Variants in TMTC2 observed in about 807,000 individuals in gnomAD.
TMTC2 encodes the protein protein O-mannosyl-transferase TMTC2.
A neutral mutation model predicts 82.4 loss-of-function variants in TMTC2; 43 were observed. The ratio of observed to expected loss-of-function variants is 0.52; its 90% confidence interval spans 0.41 to 0.67. The LOEUF is 0.67. Ranked by LOEUF, TMTC2 falls within the 30% of genes least tolerant of loss-of-function variation. TMTC2 has a pLI of 0.00. For synonymous variants in TMTC2, 408 were observed against 381.9 expected (o/e 1.07, Z -0.80); for missense variants, 919 against 1,012.4 (o/e 0.91, Z 1.25).
intron 1 of TMTC2, among the ~76,000 whole-genome samples, chr12:82,845,744 ATTATT>A (rs1415188577): frequency 6.6e-6 from 1 of 152,102 alleles, no homozygotes; most frequent in Non-Finnish European, 1.5e-5. Context: ...TGTTTCACTC[ATTATT>A]TTAATCAGTG....
chr12:82,740,065 A>C (rs370117649), intron 1 of TMTC2, among the ~76,000 whole-genome samples: 1 of 152,158 alleles, frequency 6.6e-6, no homozygotes, highest in African/African-American at 2.4e-5. Flanking sequence ...TGCACTTCCT[A>C]CTATCAATTG....
At chr12:83,100,251 G>A (rs1395628492) in intron 11 of TMTC2, among the ~76,000 whole-genome samples, 4 of 152,114 alleles carry the variant, frequency 2.6e-5, no homozygotes, top group East Asian at 1.9e-4. Flanking sequence ...CGAGCACATC[G>A]CTGGGTCACC....
intron 3 of TMTC2, among the ~76,000 whole-genome samples, chr12:82,923,718 G>T (rs942360018): frequency 2.0e-5 from 3 of 152,064 alleles, no homozygotes; most frequent in Admixed American, 1.3e-4. Context: ...TATAGTTTTT[G>T]AGTTTCTTAA....
At chr12:83,064,030 T>C (rs1211467165) in intron 11 of TMTC2, among the ~76,000 whole-genome samples, 2 of 150,344 alleles carry the variant, frequency 1.3e-5, no homozygotes, top group African/African-American at 4.9e-5. Flanking sequence ...GAGTTTTTCT[T>C]TTTTTTTTAT....
At chr12:82,761,222 ACT>A (rs1450879983) in intron 1 of TMTC2, among the ~76,000 whole-genome samples, 1 of 152,058 alleles carries the variant, frequency 6.6e-6, no homozygotes, top group Non-Finnish European at 1.5e-5. Context: ...GCATTTTCTC[ACT>A]CTGAAACAAC....
At chr12:83,005,027 A>G (rs1264138049) in intron 8 of TMTC2, among the ~76,000 whole-genome samples, 1 of 125,502 alleles carries the variant, frequency 8.0e-6, no homozygotes, top group Non-Finnish European at 1.7e-5. Context: ...AATATGGTGA[A>G]ACACTGTCTC....
At chr12:83,118,142 G>A (rs1395560746) in intron 11 of TMTC2, among the ~76,000 whole-genome samples, 2 of 152,006 alleles carry the variant, frequency 1.3e-5, no homozygotes, top group South Asian at 2.1e-4. Flanking sequence ...CCTCTTTACC[G>A]ATTTGGATGC....
chr12:82,732,575 C>G (rs913176371), intron 1 of TMTC2, among the ~76,000 whole-genome samples: 4 of 152,204 alleles, frequency 2.6e-5, no homozygotes, highest in African/African-American at 9.6e-5. Context: ...GATCTCCTGA[C>G]CTTGTGATCC....
chr12:82,945,195 T>C (rs1375586188), intron 4 of TMTC2, among the ~76,000 whole-genome samples: 1 of 152,190 alleles, frequency 6.6e-6, no homozygotes, highest in Non-Finnish European at 1.5e-5. Flanking sequence ...AATTGGAGCC[T>C]GGCAAAAGAA....
intron 11 of TMTC2, among the ~76,000 whole-genome samples, chr12:83,098,838 C>T (rs1884117577): frequency 6.6e-6 from 1 of 152,142 alleles, no homozygotes; most frequent in South Asian, 2.1e-4. Flanking sequence ...CTTTGAAATT[C>T]TCCTCCTGCC....
At chr12:82,935,968 A>G (rs906747815) in intron 4 of TMTC2, among the ~76,000 whole-genome samples, 2 of 152,142 alleles carry the variant, frequency 1.3e-5, no homozygotes, top group Admixed American at 6.5e-5. Context: ...ATAATCTAAG[A>G]TCTTGTTCTC....
chr12:82,762,144 T>A (rs1876683231), intron 1 of TMTC2, among the ~76,000 whole-genome samples: 1 of 151,964 alleles, frequency 6.6e-6, no homozygotes, highest in African/African-American at 2.4e-5. Context: ...TTTTTGTATT[T>A]TTTTAGTAGA....
intron 8 of TMTC2, among the ~76,000 whole-genome samples, chr12:83,025,845 T>C (rs1404842618): frequency 6.6e-6 from 1 of 152,172 alleles, no homozygotes; most frequent in Non-Finnish European, 1.5e-5. Flanking sequence ...AGGATACAAT[T>C]GAACAGCCAG....
At chr12:82,858,961 T>C (rs954724916) in intron 2 of TMTC2, among the ~76,000 whole-genome samples, 21 of 152,270 alleles carry the variant, frequency 1.4e-4, no homozygotes, top group African/African-American at 4.8e-4. Context: ...CTAGGAGAAG[T>C]GTAATTCCTG....
intron 1 of TMTC2, among the ~76,000 whole-genome samples, chr12:82,705,330 G>C (rs1873299237): frequency 6.6e-6 from 1 of 151,988 alleles, no homozygotes; most frequent in African/African-American, 2.4e-5. Flanking sequence ...ATAACCTATG[G>C]AGATAAAAAA....
At chr12:83,084,489 T>C (rs1442977669) in intron 11 of TMTC2, among the ~76,000 whole-genome samples, 1 of 152,158 alleles carries the variant, frequency 6.6e-6, no homozygotes, top group Non-Finnish European at 1.5e-5. Flanking sequence ...ACAGGTGATT[T>C]GCCCTATATA....
intron 8 of TMTC2, among the ~76,000 whole-genome samples, chr12:82,999,716 A>G (rs1879830806): frequency 6.6e-6 from 1 of 152,194 alleles, no homozygotes; most frequent in African/African-American, 2.4e-5. Context: ...CGAGAACAGC[A>G]TGGGAAAGAC....
At chr12:82,920,424 A>C (rs1875318678) in intron 3 of TMTC2, among the ~76,000 whole-genome samples, 1 of 152,204 alleles carries the variant, frequency 6.6e-6, no homozygotes, top group African/African-American at 2.4e-5. Flanking sequence ...TCTTTAGAAC[A>C]ACTTCAGCAA....
intron 11 of TMTC2, among the ~76,000 whole-genome samples, chr12:83,126,474 T>A (rs185510693): frequency 1.3e-5 from 2 of 152,190 alleles, no homozygotes; most frequent in Non-Finnish European, 2.9e-5. Context: ...ATTCATTTTG[T>A]CAATCAGCCA....
Sources: gnomAD v4.1 joint callset for allele counts (sites outside exome capture counted in the v4.1 genomes callset) on GRCh38, gnomAD v4.1.1 for gene constraint, MANE v1.5 for transcripts, NCBI Gene and HGNC (gene_info 2026-07-23, HGNC 2026-07-21) for gene names.